The following ADGRB3 variants were observed in gnomAD, a reference collection of about 807,000 sequenced individuals.
ADGRB3 encodes the protein adhesion G protein-coupled receptor B3.
ADGRB3 carries 37 observed loss-of-function variants against 193.4 expected under a neutral mutation model. The ratio of observed to expected loss-of-function variants is 0.19; its 90% CI spans 0.15 to 0.25. The LOEUF is 0.25. Ranked by LOEUF, ADGRB3 falls within the 10% of genes least tolerant of loss-of-function variation. The pLI is 1.00. For synonymous variants in ADGRB3, 690 were observed against 644.2 expected (o/e 1.07, Z -1.08); for missense variants, 1,637 against 1,852.9 (o/e 0.88, Z 2.14).
At chr6:69,086,005 TCTG>T (rs1184579977) in intron 17 of ADGRB3, among the ~76,000 whole-genome samples, 1 of 151,926 alleles carries the variant, frequency 6.6e-6, no homozygotes, top group East Asian at 1.9e-4. Flanking sequence ...AAAGAAACCT[TCTG>T]TTTAATGATT....
chr6:69,167,780 G>A (rs546305016), intron 17 of ADGRB3, among the ~76,000 whole-genome samples: 2 of 152,228 alleles, frequency 1.3e-5, no homozygotes, highest in African/African-American at 4.8e-5. Flanking sequence ...GAAATAGCTG[G>A]TTAGCCTGTA....
chr6:69,149,374 T>C (rs896734761), intron 17 of ADGRB3, among the ~76,000 whole-genome samples: 2 of 151,940 alleles, frequency 1.3e-5, no homozygotes, highest in Admixed American at 6.6e-5. Context: ...CAGCTCGGAA[T>C]TTCTGCTTGA....
At chr6:68,862,052 C>T (rs186218408) in intron 3 of ADGRB3, among the ~76,000 whole-genome samples, 1 of 152,196 alleles carries the variant, frequency 6.6e-6, no homozygotes, top group East Asian at 1.9e-4. Flanking sequence ...GTCCTGGATC[C>T]CAACTTCAGA....
chr6:69,045,419 TCA>T (rs1199191131), intron 13 of ADGRB3, among the ~76,000 whole-genome samples: 6 of 151,726 alleles, frequency 4.0e-5, no homozygotes, highest in African/African-American at 7.3e-5. Flanking sequence ...TTGAATCTCA[TCA>T]GTGTATGAAA....
intron 3 of ADGRB3, among the ~76,000 whole-genome samples, chr6:68,841,646 T>G (rs993026682): frequency 1.3e-5 from 2 of 151,774 alleles, no homozygotes; most frequent in Admixed American, 1.3e-4. Context: ...AGTGCCTACA[T>G]CAAAAAAGTA....
At chr6:69,134,796 T>C (rs1774106490) in intron 17 of ADGRB3, among the ~76,000 whole-genome samples, 1 of 151,900 alleles carries the variant, frequency 6.6e-6, no homozygotes, top group East Asian at 1.9e-4. Flanking sequence ...GAGAATAATT[T>C]CAACATTATA....
intron 3 of ADGRB3, among the ~76,000 whole-genome samples, chr6:68,892,637 T>G (rs1766110168): frequency 1.3e-5 from 2 of 152,150 alleles, no homozygotes; most frequent in Non-Finnish European, 2.9e-5. Flanking sequence ...CTCATACCTC[T>G]CAGAGGGCCT....
rs57824884 is a variant in ADGRB3, at chr6:69,279,071, G to GTATATATA, written c.2814+39887_2814+39894dup. ...CTCATATGGCATATTAAATACATAT[G>GTATATATA]TATATATATATATATATATATATAT... is the stretch of plus-strand genomic sequence containing the variant. On this transcript the variant is annotated intron_variant, in intron 20 of 31. Coordinates refer to ENST00000370598, the MANE Select transcript of ADGRB3 (RefSeq NM_001704.3). Among the ~76,000 whole-genome samples the GTATATATA allele has an allele frequency of 1.4e-4, 10 of 71,370 alleles. 2 individuals are homozygous for GTATATATA. The highest frequency in any genetic ancestry group is 2.2e-4 in the Non-Finnish European group (8 of 36,042). 46.8% of individuals were successfully genotyped at this position (71,370 alleles called of 152,430 possible).
intron 20 of ADGRB3, among the ~76,000 whole-genome samples, chr6:69,310,016 C>T (rs1479600441): frequency 1.3e-5 from 2 of 151,668 alleles, no homozygotes; most frequent in Non-Finnish European, 3.0e-5. Flanking sequence ...CCTTCTTCCT[C>T]TACACAACTT....
chr6:69,118,890 T>C (rs1330429766), intron 17 of ADGRB3, among the ~76,000 whole-genome samples: 2 of 152,156 alleles, frequency 1.3e-5, no homozygotes, highest in African/African-American at 4.8e-5. Context: ...AATTACTCTT[T>C]GGTAACAATA....
At chr6:68,898,483 GC>G (rs991797836) in intron 3 of ADGRB3, among the ~76,000 whole-genome samples, 1 of 152,034 alleles carries the variant, frequency 6.6e-6, no homozygotes, top group Non-Finnish European at 1.5e-5. Flanking sequence ...ATCCAGGCAA[GC>G]TCATAGTAAA....
chr6:68,783,916 G>A (rs1328387179), intron 3 of ADGRB3, among the ~76,000 whole-genome samples: 2 of 151,954 alleles, frequency 1.3e-5, no homozygotes, highest in Non-Finnish European at 2.9e-5. Context: ...TGTAGTAGAT[G>A]TACCATCAGC....
At chr6:68,864,963 A>G (rs919853502) in intron 3 of ADGRB3, among the ~76,000 whole-genome samples, 2 of 152,176 alleles carry the variant, frequency 1.3e-5, no homozygotes, top group Admixed American at 6.5e-5. Context: ...AGACTATACT[A>G]TATCTCTTAA....
intron 16 of ADGRB3, among the ~76,000 whole-genome samples, chr6:69,068,709 C>A (rs1771982920): frequency 6.6e-6 from 1 of 152,154 alleles, no homozygotes; most frequent in African/African-American, 2.4e-5. Context: ...GAGAAGCAAG[C>A]TGTCATCACA....
chr6:69,091,806 T>C (rs1004178247), intron 17 of ADGRB3, among the ~76,000 whole-genome samples: 2 of 152,104 alleles, frequency 1.3e-5, no homozygotes, highest in African/African-American at 4.8e-5. Context: ...AAAAAGTAAA[T>C]AAATAAAAAT....
At chr6:68,739,265 G>A (rs946075089) in intron 3 of ADGRB3, among the ~76,000 whole-genome samples, 3 of 152,132 alleles carry the variant, frequency 2.0e-5, no homozygotes, top group Non-Finnish European at 4.4e-5. Context: ...ATCTTTGTAG[G>A]AATTTTGTTG....
intron 29 of ADGRB3, among the ~76,000 whole-genome samples, chr6:69,371,499 A>C (rs1769706481): frequency 1.3e-5 from 2 of 152,098 alleles, no homozygotes; most frequent in Admixed American, 1.3e-4. Flanking sequence ...AACTGCCTGA[A>C]TATTACATGC....
chr6:69,138,112 CTG>C (rs1285986479), intron 17 of ADGRB3, among the ~76,000 whole-genome samples: 2 of 152,168 alleles, frequency 1.3e-5, no homozygotes, highest in Admixed American at 1.3e-4. Context: ...GTTGTTAAAA[CTG>C]TATCACACAA....
chr6:68,826,111 C>A (rs1377204499), intron 3 of ADGRB3, among the ~76,000 whole-genome samples: 1 of 151,792 alleles, frequency 6.6e-6, no homozygotes, highest in African/African-American at 2.4e-5. Context: ...GCTAGGAACA[C>A]AAAAGTGAGC....
Sources: allele counts gnomAD v4.1 joint callset (sites outside exome capture counted in the v4.1 genomes callset), GRCh38; gene constraint gnomAD v4.1.1; transcripts MANE v1.5; gene names NCBI Gene and HGNC (gene_info 2026-07-23, HGNC 2026-07-21).